AVIL: variants seen among roughly 807,000 people sequenced by gnomAD.
AVIL encodes advillin.
AVIL carries 78 observed loss-of-function variants against 109.9 expected under a neutral mutation model. The observed-to-expected ratio is 0.71, with a 90% CI of 0.59 to 0.86. The LOEUF (loss-of-function observed/expected upper bound fraction) is 0.86. Among genes scored for constraint, AVIL ranks in the 40% least tolerant of loss-of-function variants. The probability of loss-of-function intolerance (pLI) is 0.00; values close to 1 mark genes in which losing one functional copy is unlikely to be tolerated. For synonymous variants in AVIL, 367 were observed against 379.1 expected (o/e 0.97, Z 0.37); for missense variants, 892 against 1,016.5 (o/e 0.88, Z 1.67).
rs1304545863 is a variant in AVIL, at chr12:57,802,216, AC to A, written c.2094del (p.Phe699LeufsTer11). The stretch of plus-strand genomic sequence containing the variant: ...CAGCCTGTGAAGATGGGAGGCTCAA[AC>A]CCCTGCTTAATGATCAGGATTGGTG... ...PDTPILIIKQ[G>X]FEPPIFTGWF... On this transcript the variant is annotated frameshift_variant, in exon 17 of 20. Transcript: ENST00000549994. LOFTEE classifies it high-confidence loss of function. 2.5e-6 allele frequency: 4 copies of A among 1,613,854 alleles called. No homozygotes were observed. Among genetic ancestry groups the A allele is most frequent in the Non-Finnish European group, 3.4e-6 (4 of 1,179,918 alleles).
rs762902632 is a variant in AVIL at position 57,815,977 on chromosome 12, C to T, written c.64G>A (p.Glu22Lys). The change falls in exon 2 of 20, where the codon GAG becomes AAG. Residue 22 changes from glutamate (E) to lysine (K), a missense_variant and splice_region_variant. By Grantham distance (56) the Glu-to-Lys change is moderately conservative. Coordinates refer to ENST00000549994, the MANE Select transcript of AVIL (RefSeq NM_006576.4). ...NDPGIIVWRI[E>K]KMELALVPVS... ...AAGGTGCCTCCAGCCCAGCTCACCT[C>T]TATTCTCCAGACAATGATCCCAGGG... 6.2e-6 allele frequency: 10 copies of T among 1,614,216 alleles called. No individual in the cohort carries two copies. Among genetic ancestry groups the T allele is most frequent in the Middle Eastern group, 3.3e-4 (2 of 6,042 alleles).
At chr12:57,806,212 C>A (rs1955942780) in intron 14 of AVIL, 148 bp downstream of exon 14, 2 of 564,768 alleles carry the variant, frequency 3.5e-6, no homozygotes, top group African/African-American at 2.1e-5. Flanking sequence ...CCATGCTAAT[C>A]TTCTCTGTAT....
Position 57,810,845 on chromosome 12 carries a change from G to C in AVIL, c.529C>G (p.Pro177Ala). 6.2e-7 allele frequency: 1 copy of C among 1,614,160 alleles called. No individual in the cohort carries two copies. The highest frequency in any genetic ancestry group is 8.5e-7 in the Non-Finnish European group (1 of 1,180,022). Residue 177 changes from proline to alanine, a missense_variant, in exon 6 of 20, where the codon CCA becomes GCA. Pro to Ala is a conservative substitution (Grantham distance 27). Transcript: ENST00000549994. ...AGGCGCTCCCCACTGTTGCTCTCTG[G>C]GCCATTCCATTGGATGATGACTTTC... ...LGKVIIQWNG[P>A]ESNSGERLKA... is the part of the protein sequence containing the mutation.
chr12:57,812,055 A>G (rs545460423), intron 4 of AVIL, among the ~76,000 whole-genome samples: 138 of 152,122 alleles, frequency 9.1e-4, no homozygotes, highest in Non-Finnish European at 1.7e-3. Context: ...CAATAGTGCA[A>G]TCATGGCTCA....
In AVIL at chr12:57,816,064, A is replaced by C. The variant is rs1956098005; in HGVS notation, c.-19-5T>G. 6.3e-7 allele frequency: 1 copy of C among 1,599,466 alleles called. No homozygotes were observed. On this transcript the variant is annotated splice_region_variant and splice_polypyrimidine_tract_variant and intron_variant, in intron 1 of 19. Coordinates refer to ENST00000549994, the MANE Select transcript of AVIL (RefSeq NM_006576.4). ...ATGATGCTTGTCTTTCCAGGACTGA[A>C]ACATCACAGAACAAGAGGGGAGATG...
chr12:57,801,740 C>CA (rs1365811125), intron 17 of AVIL, among the ~76,000 whole-genome samples: 9 of 150,370 alleles, frequency 6.0e-5, no homozygotes, highest in Non-Finnish European at 7.4e-5. Context: ...AATTCTGTCT[C>CA]AAAAAAAGAA....
chr12:57,807,998 G>C, intron 11 of AVIL, 196 bp downstream of exon 11: 1 of 792,752 alleles, frequency 1.3e-6, no homozygotes, highest in Non-Finnish European at 2.2e-6. Flanking sequence ...GTGAGATATT[G>C]ATAGCACATT....
rs1289224667 is a variant in AVIL at position 57,810,352 on chromosome 12, T to C, written c.758A>G (p.Tyr253Cys). 6.2e-7 allele frequency: 1 copy of C among 1,614,092 alleles called. No individual in the cohort carries two copies. The highest frequency in any genetic ancestry group is 1.3e-5 in the African/African-American group (1 of 74,932). ...DQKQKSTIML[Y>C]HISDSAGQLA... ...AAAACCAGGTTGAGCTACTCACTGA[T>C]ACAACATGATAGTTGATTTCTGCTT... Residue 253 changes from tyrosine (Y) to cysteine (C), a missense_variant, in exon 7 of 20, where the codon TAT becomes TGT. Physicochemically the swap from Tyr to Cys is radical, Grantham distance 194. Coordinates refer to ENST00000549994, the MANE Select transcript of AVIL (RefSeq NM_006576.4).
chr12:57,801,126 A>T lies in AVIL; in HGVS notation c.2220+18T>A, dbSNP rs1300494990. The stretch of plus-strand genomic sequence containing the variant: ...TTGCCCATGTGGCTGGCTTCTCCCA[A>T]GAGCGAACCCGACTCACAGCAGTGA... On this transcript the variant is annotated intron_variant, in intron 18 of 19. Coordinates refer to ENST00000549994, the MANE Select transcript of AVIL (RefSeq NM_006576.4). The T allele has an allele frequency of 6.2e-7, 1 of 1,611,682 alleles. No homozygotes were observed. Among genetic ancestry groups the T allele is most frequent in the South Asian group, 1.1e-5 (1 of 90,830 alleles).
Position 57,806,417 on chromosome 12 carries a change from GT to G in AVIL, c.1613del (p.Asn538ThrfsTer75). On this transcript the variant is annotated frameshift_variant, in exon 14 of 20. Coordinates refer to ENST00000549994, the MANE Select transcript of AVIL (RefSeq NM_006576.4). LOFTEE classifies it high-confidence loss of function. Reference sequence around the variant, plus strand: ...TTCGCAGCAGAAAGACATCATTGGAGTTTAGGGAGGAGGCAAAGGCTGGAAC... The same window carrying G: ...TTCGCAGCAGAAAGACATCATTGGAGTTAGGGAGGAGGCAAAGGCTGGAAC... Reference protein sequence around the residue: ...VEVPAFASSLNSNDVFLLRTQ... With the variant: ...VEVPAFASSLXSNDVFLLRTQ... The G allele has an allele frequency of 6.2e-7, 1 of 1,614,116 alleles. No homozygotes were observed. The highest frequency in any genetic ancestry group is 8.5e-7 in the Non-Finnish European group (1 of 1,180,020).
intron 11 of AVIL, 135 bp from the exon 12 acceptor site, chr12:57,807,862 A>G: frequency 1.6e-6 from 2 of 1,258,484 alleles, no homozygotes; most frequent in South Asian, 2.4e-5. Flanking sequence ...GTTCTCTCCC[A>G]GTGCTGAGGA....
At chr12:57,816,700 C>CTTTT (rs11349032) in intron 1 of AVIL, among the ~76,000 whole-genome samples, 4 of 93,480 alleles carry the variant, frequency 4.3e-5, no homozygotes, top group African/African-American at 1.6e-4. Context: ...GGCTTTTGTC[C>CTTTT]TTTTTTTTTT....
At position 57,797,838 on chromosome 12, in the gene AVIL, C is replaced by G. The variant is rs576641966; in HGVS notation, c.*44G>C. 1.4e-6 allele frequency: 2 copies of G among 1,421,992 alleles called. No individual in the cohort carries two copies. The highest frequency in any genetic ancestry group is 2.3e-5 in the Admixed American group (1 of 43,550). 88.1% of individuals were successfully genotyped at this position (1,421,992 alleles called of 1,614,324 possible). ...AATTATTTCCTGATATTGGCACTATCTGCTCTTTTCTGTGGCCTTGCAATA... is the reference window on the plus strand; with the variant it reads ...AATTATTTCCTGATATTGGCACTATGTGCTCTTTTCTGTGGCCTTGCAATA... On this transcript the variant is annotated 3_prime_UTR_variant, in exon 20 of 20. Coordinates refer to ENST00000549994, the MANE Select transcript of AVIL (RefSeq NM_006576.4).
chr12:57,802,914 C>A, intron 16 of AVIL: 1 of 535,344 alleles, frequency 1.9e-6, no homozygotes, highest in Non-Finnish European at 3.3e-6. Flanking sequence ...TACTGACTGC[C>A]TTTGTTCCCC....
chr12:57,810,262 A>C, intron 7 of AVIL, 87 bp downstream of exon 7: 1 of 1,429,138 alleles, frequency 7.0e-7, no homozygotes, highest in Non-Finnish European at 9.6e-7. Context: ...CACCCAAAAC[A>C]AGGAGCCAAG....
At chr12:57,809,574 T>G in intron 9 of AVIL, 23 bp downstream of exon 9, 1 of 1,612,566 alleles carries the variant, frequency 6.2e-7, no homozygotes, top group Non-Finnish European at 8.5e-7. Flanking sequence ...ATTTGAACAG[T>G]ATTGCACATC....
chr12:57,802,910 C>T, intron 16 of AVIL: 1 of 534,580 alleles, frequency 1.9e-6, no homozygotes, highest in Non-Finnish European at 3.3e-6. Flanking sequence ...AGTCTACTGA[C>T]TGCCTTTGTT....
intron 1 of AVIL, among the ~76,000 whole-genome samples, chr12:57,817,484 G>A (rs564672151): frequency 6.6e-6 from 1 of 151,938 alleles, no homozygotes. Context: ...AATTTAATTT[G>A]ATAACTTGTG....
chr12:57,811,195 A>G, intron 4 of AVIL, 68 bp from the exon 5 acceptor site: 2 of 1,414,974 alleles, frequency 1.4e-6, no homozygotes, highest in Non-Finnish European at 2.0e-6. Flanking sequence ...ACAGTGGTGA[A>G]TTACACAGAT....
Sources: allele counts gnomAD v4.1 joint callset (sites outside exome capture counted in the v4.1 genomes callset), GRCh38; gene constraint gnomAD v4.1.1; transcripts MANE v1.5; gene names NCBI Gene and HGNC (gene_info 2026-07-23, HGNC 2026-07-21).